The following VTCN1 variants were observed in gnomAD, a reference collection of about 807,000 sequenced individuals.
VTCN1 encodes the protein V-set domain-containing T-cell activation inhibitor 1.
In VTCN1, 26 loss-of-function variants were observed where a neutral mutation model predicts 26.5. That is an observed-to-expected ratio of 0.98 (90% confidence interval 0.72 to 1.36). The LOEUF (loss-of-function observed/expected upper bound fraction) is 1.36, where lower values mean the gene tolerates loss of function less well. Among genes scored for constraint, VTCN1 ranks in the 40% most tolerant of loss-of-function variants. The pLI is 0.00. For synonymous variants in VTCN1, 116 were observed against 130.7 expected (o/e 0.89, Z 0.77); for missense variants, 298 against 337.7 (o/e 0.88, Z 0.92).
chr1:117,176,751 G>A (rs1405473524), intron 1 of VTCN1, among the ~76,000 whole-genome samples: 2 of 152,206 alleles, frequency 1.3e-5, no homozygotes, highest in African/African-American at 4.8e-5. Context: ...CCAACGAGGT[G>A]ACTAGGTTTA....
intron 1 of VTCN1, chr1:117,172,542 T>TG: frequency 4.0e-6 from 2 of 501,854 alleles, no homozygotes; most frequent in Non-Finnish European, 7.9e-6. Flanking sequence ...GGGTTTTCAT[T>TG]TACTTTGGAT....
rs375834643 is a variant in VTCN1, at chr1:117,153,356, C to T, written c.459G>A (p.Pro153=). The T allele has an allele frequency of 2.9e-5, 47 of 1,607,286 alleles. No homozygotes were observed. The highest frequency in any genetic ancestry group is 2.8e-4 in the South Asian group (25 of 90,786). Reference sequence around the variant, plus strand: ...TGGCATTATAGTCCACATTCACTTCCGGCATGCTGAAGGCTGCAGGGTCAA... The same window carrying T: ...TGGCATTATAGTCCACATTCACTTCTGGCATGCTGAAGGCTGCAGGGTCAA... The part of the protein sequence containing the change: ...LEYKTGAFSM[P]EVNVDYNASS... Residue 153 remains proline (P), a synonymous_variant, in exon 4 of 6, where the codon CCG becomes CCA. Coordinates refer to ENST00000369458, the MANE Select transcript of VTCN1 (RefSeq NM_024626.4).
chr1:117,162,974 G>T (rs1652443682), intron 2 of VTCN1, among the ~76,000 whole-genome samples: 2 of 152,204 alleles, frequency 1.3e-5, no homozygotes, highest in African/African-American at 4.8e-5. Context: ...AGCATAGAGA[G>T]CATGCTAGAT....
intron 4 of VTCN1, among the ~76,000 whole-genome samples, chr1:117,151,574 C>G (rs1357551115): frequency 6.6e-6 from 1 of 152,128 alleles, no homozygotes; most frequent in African/African-American, 2.4e-5. Flanking sequence ...GTCCATTTTA[C>G]AGAGTGCTGA....
chr1:117,205,390 T>C (rs1241657481), intron 1 of VTCN1, among the ~76,000 whole-genome samples: 1 of 152,094 alleles, frequency 6.6e-6, no homozygotes. Flanking sequence ...CCTGAACTCC[T>C]GGACTCAAGT....
At chr1:117,182,060 T>TAA (rs1647698707) in intron 1 of VTCN1, among the ~76,000 whole-genome samples, 3 of 152,192 alleles carry the variant, frequency 2.0e-5, no homozygotes, top group African/African-American at 7.2e-5. Flanking sequence ...TCGGAAAGCC[T>TAA]AGCCCTGGGA....
chr1:117,148,356 T>A (rs1651620816), intron 4 of VTCN1, among the ~76,000 whole-genome samples: 1 of 152,222 alleles, frequency 6.6e-6, no homozygotes, highest in Non-Finnish European at 1.5e-5. Flanking sequence ...AGTTTCTTCA[T>A]CTATAAATAG....
chr1:117,151,789 T>C (rs536344406), intron 4 of VTCN1, among the ~76,000 whole-genome samples: 4 of 152,270 alleles, frequency 2.6e-5, no homozygotes, highest in African/African-American at 9.6e-5. Context: ...TCTATAGAAG[T>C]TGCACCATTT....
intron 4 of VTCN1, among the ~76,000 whole-genome samples, chr1:117,148,091 C>A (rs920404514): frequency 1.3e-5 from 2 of 152,216 alleles, no homozygotes; most frequent in Non-Finnish European, 2.9e-5. Flanking sequence ...CAGTTCTTGG[C>A]TTGAGACGCA....
At chr1:117,192,065 C>A (rs2101580884) in intron 1 of VTCN1, among the ~76,000 whole-genome samples, 1 of 151,652 alleles carries the variant, frequency 6.6e-6, no homozygotes, top group East Asian at 1.9e-4. Context: ...AGATTTTAAG[C>A]AGCGTCCCCA....
Position 117,153,317 on chromosome 1 carries a change from C to T in VTCN1, c.498G>A (p.Leu166=). Reference sequence around the variant, plus strand: ...GGAACCATCGGGGAGCCTCACACCGCAAGGTCTCTGAGCTGGCATTATAGT... The same window carrying T: ...GGAACCATCGGGGAGCCTCACACCGTAAGGTCTCTGAGCTGGCATTATAGT... The part of the protein sequence containing the change: ...NVDYNASSET[L]RCEAPRWFPQ... The change falls in exon 4 of 6, where the codon TTG becomes TTA. Residue 166 remains leucine, a synonymous_variant. Transcript: ENST00000369458. The T allele has an allele frequency of 1.9e-6, 3 of 1,614,018 alleles. No individual in the cohort carries two copies. Among genetic ancestry groups the T allele is most frequent in the Non-Finnish European group, 2.5e-6 (3 of 1,179,932 alleles).
chr1:117,155,606 T>G lies in VTCN1; in HGVS notation c.445+968A>C, dbSNP rs764133011. Among the ~76,000 whole-genome samples, 15 of 152,212 alleles carry G rather than the reference T, an allele frequency of 9.9e-5. No individual in the cohort carries two copies. The highest frequency in any genetic ancestry group is 8.5e-4 in the Admixed American group (13 of 15,282). ...AGTATCCCTTTGACATGACCCCATT[T>G]TAAGATGAAGAAACTGAGGCTCAGA... On this transcript the variant is annotated intron_variant, in intron 3 of 5. Transcript: ENST00000369458. The surrounding 1 kb of genome is among the most constrained non-coding windows in gnomAD (Gnocchi z 4.8).
rs1035220219 is a variant in VTCN1 at position 117,147,731 on chromosome 1, G to A, written c.776C>T (p.Ser259Phe). 1.7e-5 allele frequency: 28 copies of A among 1,613,988 alleles called. No individual in the cohort carries two copies. The highest frequency in any genetic ancestry group is 2.4e-5 in the Non-Finnish European group (28 of 1,179,980). The change falls in exon 5 of 6, where the codon TCT (serine) becomes TTT (phenylalanine). Residue 259 changes from serine (S) to phenylalanine (F), a missense_variant. Physicochemically the swap from Ser to Phe is radical, Grantham distance 155. Transcript: ENST00000369458. This position sits in a 1 kb window ranked among gnomAD's most constrained non-coding sequence, Gnocchi z 4.6. ...SHLQLLNSKA[S>F]LCVSSFFAIS... The stretch of plus-strand genomic sequence containing the variant: ...GGCAAAGAAAGAAGAGACACACAGA[G>A]AAGCCTTTGAGTTTAGCAGCTGTAG...
At position 117,167,614 on chromosome 1, in the gene VTCN1, T is replaced by C. The variant is rs1321774535; in HGVS notation, c.97+2493A>G. 1.3e-5 allele frequency among the ~76,000 whole-genome samples: 2 copies of C among 152,246 alleles called. No homozygotes were observed. Among genetic ancestry groups the C allele is most frequent in the East Asian group, 1.9e-4 (1 of 5,204 alleles). On this transcript the variant is annotated intron_variant, in intron 2 of 5. Transcript: ENST00000369458. This position sits in a 1 kb window ranked among gnomAD's most constrained non-coding sequence, Gnocchi z 4.1. ...GAGAGCTTGATCTCTCATGCATTGCTGGTGAAGAGTAGATTGACTCATCAC... is the reference window on the plus strand; with the variant it reads ...GAGAGCTTGATCTCTCATGCATTGCCGGTGAAGAGTAGATTGACTCATCAC...
chr1:117,195,284 A>AATAATAATG (rs1274846768), intron 1 of VTCN1, among the ~76,000 whole-genome samples: 4 of 149,236 alleles, frequency 2.7e-5, no homozygotes, highest in African/African-American at 9.8e-5. Context: ...TAATAATAAT[A>AATAATAATG]ATAATAATAA....
chr1:117,204,758 C>T (rs1169380277), intron 1 of VTCN1, among the ~76,000 whole-genome samples: 1 of 151,896 alleles, frequency 6.6e-6, no homozygotes, highest in Non-Finnish European at 1.5e-5. Context: ...CCCAGCTACT[C>T]AGGAGGCTGA....
intron 2 of VTCN1, among the ~76,000 whole-genome samples, chr1:117,163,538 A>T (rs979939165): frequency 6.6e-6 from 1 of 152,194 alleles, no homozygotes; most frequent in African/African-American, 2.4e-5. Context: ...CATTTCACTA[A>T]ATGTTTGCTT....
At chr1:117,174,505 G>C (rs565367942) in intron 1 of VTCN1, among the ~76,000 whole-genome samples, 1 of 152,164 alleles carries the variant, frequency 6.6e-6, no homozygotes, top group Non-Finnish European at 1.5e-5. Context: ...GGTGACTCAC[G>C]GCTGTAATCC....
rs139944403 is a variant in VTCN1, at chr1:117,167,670, A to G, written c.97+2437T>C. Among the ~76,000 whole-genome samples, 97 of 152,306 alleles carry G rather than the reference A, an allele frequency of 6.4e-4. No individual in the cohort carries two copies. The highest frequency in any genetic ancestry group is 2.3e-3 in the African/African-American group (95 of 41,568). On this transcript the variant is annotated intron_variant, in intron 2 of 5. Transcript: ENST00000369458. The surrounding 1 kb of genome is among the most constrained non-coding windows in gnomAD (Gnocchi z 4.1). ...AAAATTGAATGGCAGTATCTACTAA[A>G]AGCTATTTATTGGCCTTTTGGACAT...
Sources: gnomAD v4.1 joint callset for allele counts (sites outside exome capture counted in the v4.1 genomes callset) on GRCh38, gnomAD v4.1.1 for gene constraint, Gnocchi (gnomAD v3.1) non-coding constraint, MANE v1.5 for transcripts, NCBI Gene and HGNC (gene_info 2026-07-23, HGNC 2026-07-21) for gene names.